CXADR: variants seen among roughly 807,000 people sequenced by gnomAD.
CXADR encodes the protein coxsackievirus and adenovirus receptor.
Under a neutral mutation model 40.3 loss-of-function variants are expected in CXADR, and 20 were observed. That is an observed-to-expected ratio of 0.50 (90% confidence interval 0.35 to 0.72). The LOEUF is 0.72. CXADR is among the 30% of genes least tolerant of loss of function. The pLI is 0.01. For missense variants in CXADR, 332 were observed against 449.1 expected, an observed-to-expected ratio of 0.74 and a Z score of 2.36; for synonymous variants, 150 against 161.3, an observed-to-expected ratio of 0.93 and a Z score of 0.53.
At chr21:17,631,053 A>G in the CXADR span, among the ~76,000 whole-genome samples, 1 of 152,200 alleles carries the variant, frequency 6.6e-6, no homozygotes, top group Non-Finnish European at 1.5e-5. Flanking sequence ...GAGATTCTCT[A>G]AGATAGTTGT....
rs1254388567 is a variant in CXADR, at chr21:17,566,336, C to T, written c.*644C>T. ...TAAATATTTAGTTGATAGACTGCTA[C>T]AGGTAATAGGGACTTAGCAAGCTCT... is the stretch of plus-strand genomic sequence containing the variant. On this transcript the variant is annotated 3_prime_UTR_variant, in exon 7 of 7. Coordinates refer to ENST00000284878, the MANE Select transcript of CXADR (RefSeq NM_001338.5). The T allele has an allele frequency of 1.0e-6, 1 of 983,424 alleles. No individual in the cohort carries two copies. The highest frequency in any genetic ancestry group is 1.1e-4 in the East Asian group (1 of 8,810). The allele number at this position is 983,424 out of a possible 1,614,324, so 60.9% of individuals were successfully genotyped here. A position where few individuals can be genotyped will look rare whatever the true frequency, so the allele number is the denominator to read the frequency against.
chr21:17,537,626 A>G (rs1474625884), intron 1 of CXADR, among the ~76,000 whole-genome samples: 3 of 152,138 alleles, frequency 2.0e-5, no homozygotes, highest in Non-Finnish European at 4.4e-5. Flanking sequence ...TACATCTAGT[A>G]TCTTTCTGGG....
chr21:17,554,160 G>A (rs2061004737), intron 3 of CXADR, among the ~76,000 whole-genome samples: 1 of 152,302 alleles, frequency 6.6e-6, no homozygotes, highest in South Asian at 2.1e-4. Flanking sequence ...AAGAGTTGTG[G>A]ACAAGCATGT....
chr21:17,620,979 GTT>G, the CXADR span, among the ~76,000 whole-genome samples: 1 of 152,230 alleles, frequency 6.6e-6, no homozygotes, highest in South Asian at 2.1e-4. Context: ...AGATTTTTAT[GTT>G]ATGGTTTTGA....
chr21:17,612,872 A>ACTGG, the CXADR span: 3 of 151,886 alleles, frequency 2.0e-5, no homozygotes, highest in African/African-American at 4.8e-5. Context: ...CGTTGAGAGG[A>ACTGG]CTGGCGGGCG....
Position 17,567,929 on chromosome 21 carries a change from A to G in CXADR, c.*2237A>G, listed in dbSNP as rs1427052256. ...CCATATACTTCATATTTTAGAGGAC[A>G]TTGTTTTAAAGGCTTATGTCTCACT... On this transcript the variant is annotated 3_prime_UTR_variant, in exon 7 of 7. Coordinates refer to ENST00000284878, the MANE Select transcript of CXADR (RefSeq NM_001338.5). 8 of 982,570 alleles carry G rather than the reference A, an allele frequency of 8.1e-6. No homozygotes were observed. The highest frequency in any genetic ancestry group is 9.7e-6 in the Non-Finnish European group (8 of 827,882). The allele number at this position is 982,570 out of a possible 1,614,324, so 60.9% of individuals were successfully genotyped here.
At chr21:17,586,155 G>T (rs995563231) in intron 7 of CXADR, among the ~76,000 whole-genome samples, 1 of 151,894 alleles carries the variant, frequency 6.6e-6, no homozygotes, top group African/African-American at 2.4e-5. Context: ...TCATTAGTGT[G>T]CCATTGTCTT....
the CXADR span, among the ~76,000 whole-genome samples, chr21:17,618,897 C>T: frequency 6.6e-6 from 1 of 152,158 alleles, no homozygotes; most frequent in African/African-American, 2.4e-5. Flanking sequence ...CCATGGGCTG[C>T]ACAATAGATG....
intron 7 of CXADR, among the ~76,000 whole-genome samples, chr21:17,580,175 T>C (rs1833919130): frequency 6.6e-6 from 1 of 152,236 alleles, no homozygotes; most frequent in East Asian, 1.9e-4. Flanking sequence ...AACAGCCGTT[T>C]ATTAAATTTA....
chr21:17,520,490 A>G (rs959652533), intron 1 of CXADR, among the ~76,000 whole-genome samples: 4 of 152,204 alleles, frequency 2.6e-5, no homozygotes, highest in Admixed American at 2.0e-4. Flanking sequence ...TCTAAAGGCC[A>G]TACTGAGAGC....
intron 7 of CXADR, among the ~76,000 whole-genome samples, chr21:17,591,855 G>T (rs1445953620): frequency 6.6e-6 from 1 of 151,822 alleles, no homozygotes; most frequent in Non-Finnish European, 1.5e-5. Context: ...ACTAAAAAAG[G>T]GTTTGGCAAA....
rs573723866 is a variant in CXADR, at chr21:17,590,740, ATAAG to A, written c.1018-2407_1018-2404del. Among the ~76,000 whole-genome samples, 110 of 152,098 alleles carry A rather than the reference ATAAG, an allele frequency of 7.2e-4. No individual in the cohort carries two copies. In the East Asian group the frequency reaches 8.5e-3, roughly 12 times the overall value. Reference sequence around the variant, plus strand: ...ACTCTGTTAAATTGCCAAGTAACTGATAAGTAAGAAAAAAAAGTTAAAGACTGTG... The same window carrying A: ...ACTCTGTTAAATTGCCAAGTAACTGATAAGAAAAAAAAGTTAAAGACTGTG... On this transcript the variant is annotated intron_variant, in intron 7 of 7. Coordinates refer to the CXADR transcript ENST00000400169.
At chr21:17,574,501 A>T (rs1202242902), downstream of CXADR, among the ~76,000 whole-genome samples, 2 of 152,194 alleles carry the variant, frequency 1.3e-5, no homozygotes, top group African/African-American at 4.8e-5. Context: ...AGACAGAAGG[A>T]TTAGCAAATT....
intron 7 of CXADR, among the ~76,000 whole-genome samples, chr21:17,575,635 T>A (rs757334978): frequency 6.6e-6 from 1 of 151,518 alleles, no homozygotes; most frequent in Admixed American, 6.6e-5. Flanking sequence ...GGACTACAGG[T>A]GTCCACTACC....
rs779843370 is a variant in CXADR at position 17,565,538 on chromosome 21, A to C, written c.944A>C (p.Lys315Thr). The change falls in exon 7 of 7, where the codon AAG becomes ACG. Residue 315 changes from lysine to threonine, a missense_variant. Lys to Thr is a moderately conservative substitution (Grantham distance 78, BLOSUM62 -1). Coordinates refer to ENST00000284878, the MANE Select transcript of CXADR (RefSeq NM_001338.5). ...MSPSNMEGYSKTQYNQVPSED... is the reference protein window; with the variant it reads ...MSPSNMEGYSTTQYNQVPSED... ...CCTTCCAACATGGAAGGATATTCCA[A>C]GACTCAGTATAACCAAGTACCAAGT... 1 of 1,613,796 alleles carries C rather than the reference A, an allele frequency of 6.2e-7. No individual in the cohort carries two copies. The highest frequency in any genetic ancestry group is 8.5e-7 in the Non-Finnish European group (1 of 1,179,850).
At chr21:17,527,322 A>G (rs1478441480) in intron 1 of CXADR, 2 of 152,162 alleles carry the variant, frequency 1.3e-5, no homozygotes, top group African/African-American at 2.4e-5. Flanking sequence ...GTGCTAGTGG[A>G]GTGGGGAAGG....
intron 3 of CXADR, among the ~76,000 whole-genome samples, chr21:17,554,740 CT>C (rs1367599468): frequency 6.6e-6 from 1 of 152,132 alleles, no homozygotes; most frequent in African/African-American, 2.4e-5. Context: ...GAAATTCTGC[CT>C]GGATTATCTG....
chr21:17,547,150 A>G lies in CXADR; in HGVS notation c.167A>G (p.Glu56Gly). ...SPEDQGPLDI[E>G]WLISPADNQK... Reference sequence around the variant, plus strand: ...GAAGACCAGGGACCGCTGGACATCGAGTGGCTGATATCACCAGCTGATAAT... The same window carrying G: ...GAAGACCAGGGACCGCTGGACATCGGGTGGCTGATATCACCAGCTGATAAT... The change falls in exon 2 of 7, where the codon GAG (glutamate) becomes GGG (glycine). Residue 56 changes from glutamate to glycine, a missense_variant. Around this residue, in one of 3 missense-constraint regions of CXADR, gnomAD observed 162 missense variants for 198.5 expected, o/e 0.82. Transcript: ENST00000284878. 1 of 1,614,192 alleles carries G rather than the reference A, an allele frequency of 6.2e-7. No individual in the cohort carries two copies. Among genetic ancestry groups the G allele is most frequent in the Middle Eastern group, 1.7e-4 (1 of 6,060 alleles).
At chr21:17,635,256 G>T in the CXADR span, among the ~76,000 whole-genome samples, 1 of 152,148 alleles carries the variant, frequency 6.6e-6, no homozygotes, top group Non-Finnish European at 1.5e-5. Context: ...ACATCAGCAG[G>T]TTCCCAGTTC....
Sources: gnomAD v4.1 joint callset for allele counts (sites outside exome capture counted in the v4.1 genomes callset) on GRCh38, gnomAD v4.1.1 for gene constraint, gnomAD v4.1.1 regional missense constraint, MANE v1.5 for transcripts, NCBI Gene and HGNC (gene_info 2026-07-23, HGNC 2026-07-21) for gene names.